LONRF2: variants seen among roughly 807,000 people sequenced by gnomAD.
LONRF2 encodes LON peptidase N-terminal domain and ring finger 2, also known as LON peptidase N-terminal domain and RING finger protein 2.
In LONRF2, 35 loss-of-function variants were observed where a neutral mutation model predicts 66.6. That is an observed-to-expected ratio of 0.53 (90% CI 0.40 to 0.70). The LOEUF is 0.70. Ranked by LOEUF, LONRF2 falls within the 30% of genes least tolerant of loss-of-function variation. The probability of loss-of-function intolerance (pLI) is 0.00; values close to 1 mark genes in which losing one functional copy is unlikely to be tolerated. For synonymous variants in LONRF2, 417 were observed against 418.1 expected, an observed-to-expected ratio of 1.00 and a Z score of 0.03; for missense variants, 902 against 1,002.1, an observed-to-expected ratio of 0.90 and a Z score of 1.35.
chr2:100,304,790 A>T (rs1287910898), intron 2 of LONRF2, among the ~76,000 whole-genome samples: 4 of 113,186 alleles, frequency 3.5e-5, no homozygotes, highest in Non-Finnish European at 5.1e-5. Context: ...TGCCTGGCTA[A>T]TTTTTTTTTT....
At position 100,284,055 on chromosome 2, in the gene LONRF2, G is replaced by A. The variant is rs1674794220; in HGVS notation, c.*243C>T. The A allele has an allele frequency of 1.2e-5, 5 of 400,926 alleles. No individual in the cohort carries two copies. Among genetic ancestry groups the A allele is most frequent in the Non-Finnish European group, 2.2e-5 (5 of 223,566 alleles). 24.8% of individuals were successfully genotyped at this position (400,926 alleles called of 1,614,324 possible). ...ATTCCCCAAGCACCTGCTTCTAAGA[G>A]ATTTTCTTAGGTTGTTTTCCAACTA... On this transcript the variant is annotated 3_prime_UTR_variant, in exon 12 of 12. Transcript: ENST00000393437.
chr2:100,316,335 A>AAT (rs70943014), intron 1 of LONRF2, among the ~76,000 whole-genome samples: 1 of 113,386 alleles, frequency 8.8e-6, no homozygotes, highest in African/African-American at 4.3e-5. Context: ...AAAAAAAAAA[A>AAT]AAAGAAAGAA....
At chr2:100,294,117 G>A (rs1367914355) in intron 9 of LONRF2, 112 bp downstream of exon 9, 78 of 1,270,052 alleles carry the variant, frequency 6.1e-5, no homozygotes, top group Non-Finnish European at 8.2e-5. Context: ...ACTTTGTTAC[G>A]TAACGGGAGC....
Position 100,275,695 on chromosome 2 carries a change from C to T in LONRF2, c.*8603G>A, listed in dbSNP as rs1238112897. The T allele has an allele frequency of 6.6e-6, 1 of 152,142 alleles. No individual in the cohort carries two copies. The highest frequency in any genetic ancestry group is 2.4e-5 in the African/African-American group (1 of 41,418). 9.4% of individuals were successfully genotyped at this position (152,142 alleles called of 1,614,324 possible). ...AGGGGTGGGACACTTTGTTCCCACTCCCCTGAGACCTGCAGAAGCCCCTGA... is the reference window on the plus strand; with the variant it reads ...AGGGGTGGGACACTTTGTTCCCACTTCCCTGAGACCTGCAGAAGCCCCTGA... On this transcript the variant is annotated 3_prime_UTR_variant, in exon 12 of 12. Coordinates refer to ENST00000393437, the MANE Select transcript of LONRF2 (RefSeq NM_198461.4).
intron 3 of LONRF2, 142 bp from the exon 4 acceptor site, chr2:100,300,929 T>G (rs1038467042): frequency 1.2e-4 from 78 of 651,384 alleles, no homozygotes; most frequent in Admixed American, 1.9e-4. Context: ...GCCAACCTTT[T>G]AAAATCCAAA....
rs145900556 is a variant in LONRF2, at chr2:100,298,129, G to A, written c.1476+707C>T. Among the ~76,000 whole-genome samples the A allele has an allele frequency of 6.5e-3, 992 of 152,240 alleles. 10 individuals carry two copies. The highest frequency in any genetic ancestry group is 0.022 in the African/African-American group (932 of 41,550). ...ACCCCCTTAAGATGTTATATGACTT[G>A]CTCCATAGAAAGTTCATGGCACTAA... On this transcript the variant is annotated intron_variant, in intron 7 of 11. Coordinates refer to ENST00000393437, the MANE Select transcript of LONRF2 (RefSeq NM_198461.4).
chr2:100,300,994 C>T (rs1675175101), intron 3 of LONRF2, among the ~76,000 whole-genome samples: 1 of 152,076 alleles, frequency 6.6e-6, no homozygotes, highest in African/African-American at 2.4e-5. Context: ...AATCCCTTTC[C>T]ATCTTACACT....
chr2:100,308,107 C>T (rs1317036290), intron 2 of LONRF2, among the ~76,000 whole-genome samples: 6 of 152,066 alleles, frequency 3.9e-5, no homozygotes, highest in South Asian at 2.1e-4. Context: ...TGGTGGCTCA[C>T]GCCTGTAATC....
intron 10 of LONRF2, among the ~76,000 whole-genome samples, chr2:100,287,909 G>C (rs566967244): frequency 6.6e-6 from 1 of 152,232 alleles, no homozygotes; most frequent in Admixed American, 6.5e-5. Context: ...GTCCTTTCCT[G>C]TTACAAAATT....
At chr2:100,319,120 T>A (rs1469806471) in intron 1 of LONRF2, among the ~76,000 whole-genome samples, 2 of 140,434 alleles carry the variant, frequency 1.4e-5, no homozygotes, top group Admixed American at 7.1e-5. Flanking sequence ...GACTCCGTCT[T>A]AAAAAAAAAA....
Position 100,304,842 on chromosome 2 carries a change from A to G in LONRF2, c.799-1799T>C, listed in dbSNP as rs1051009151. Among the ~76,000 whole-genome samples the G allele has an allele frequency of 8.3e-4, 114 of 137,568 alleles. 1 individual carries two copies. The highest frequency in any genetic ancestry group is 2.1e-4 in the Non-Finnish European group (14 of 65,630). 90.2% of individuals were successfully genotyped at this position (137,568 alleles called of 152,430 possible). A position where few individuals can be genotyped will look rare whatever the true frequency, so the allele number is the denominator to read the frequency against. On this transcript the variant is annotated intron_variant, in intron 2 of 11. Coordinates refer to ENST00000393437, the MANE Select transcript of LONRF2 (RefSeq NM_198461.4). ...GAGATGGGGTTTCACCATATTGGCC[A>G]GGCTAGTCTCAAACTCCTGACCTTG...
chr2:100,321,513 T>A lies in LONRF2; in HGVS notation c.581A>T (p.Glu194Val). 6.5e-7 allele frequency: 1 copy of A among 1,549,888 alleles called. No homozygotes were observed. The highest frequency in any genetic ancestry group is 8.6e-7 in the Non-Finnish European group (1 of 1,160,176). The stretch of plus-strand genomic sequence containing the variant: ...GCCTGCCAGCCTGCGCAGCCGGCAC[T>A]CGGCCGGGAAGCACTTCTCCAGCAG... ...SGLLEKCFPA[E>V]CRLRRLAGQA... is the part of the protein sequence containing the mutation. Residue 194 changes from glutamate (E) to valine (V), a missense_variant, in exon 1 of 12, where the codon GAG becomes GTG. Transcript: ENST00000393437.
At position 100,275,826 on chromosome 2, in the gene LONRF2, T is replaced by A. The variant is rs76221129; in HGVS notation, c.*8472A>T. ...TCCTTCCAACTAAATTGCCACAAAA[T>A]CAGAAAAAAAGGAAAAAGCGAGAAA... On this transcript the variant is annotated 3_prime_UTR_variant, in exon 12 of 12. Transcript: ENST00000393437. 2,317 of 149,788 alleles carry A rather than the reference T, an allele frequency of 0.015. 32 individuals are homozygous for A. The highest frequency in any genetic ancestry group is 0.059 in the South Asian group (282 of 4,750). 9.3% of individuals were successfully genotyped at this position (149,788 alleles called of 1,614,324 possible).
intron 8 of LONRF2, among the ~76,000 whole-genome samples, 180 bp downstream of exon 8, chr2:100,295,252 A>G (rs1447012626): frequency 6.6e-6 from 1 of 152,234 alleles, no homozygotes; most frequent in Non-Finnish European, 1.5e-5. Context: ...TTATAAAAAA[A>G]GAAAACAAAT....
At chr2:100,291,837 T>C (rs1674965735) in intron 9 of LONRF2, among the ~76,000 whole-genome samples, 1 of 152,116 alleles carries the variant, frequency 6.6e-6, no homozygotes, top group Non-Finnish European at 1.5e-5. Flanking sequence ...ACTCTGACTG[T>C]AACTATCACC....
chr2:100,305,332 T>G (rs1389973567), intron 2 of LONRF2, among the ~76,000 whole-genome samples: 1 of 152,234 alleles, frequency 6.6e-6, no homozygotes, highest in Non-Finnish European at 1.5e-5. Flanking sequence ...TTCTTATAAC[T>G]GTTTTCCCCT....
chr2:100,291,786 T>C (rs1674964772), intron 9 of LONRF2, among the ~76,000 whole-genome samples: 1 of 152,080 alleles, frequency 6.6e-6, no homozygotes, highest in African/African-American at 2.4e-5. Flanking sequence ...TTCTAGGCTA[T>C]GTCTATTCTC....
Position 100,299,151 on chromosome 2 carries a change from G to T in LONRF2, c.1361+75C>A. The T allele has an allele frequency of 2.8e-6, 3 of 1,088,622 alleles. 1 individual carries two copies. Among genetic ancestry groups the T allele is most frequent in the South Asian group, 3.1e-5 (2 of 63,760 alleles). 67.4% of individuals were successfully genotyped at this position (1,088,622 alleles called of 1,614,324 possible). On this transcript the variant is annotated intron_variant, in intron 6 of 11. Transcript: ENST00000393437. ...TCCCTAGTTTCCGTGATAATAAAAAGCCCATTACACTTTGGTATACATTTC... is the reference window on the plus strand; with the variant it reads ...TCCCTAGTTTCCGTGATAATAAAAATCCCATTACACTTTGGTATACATTTC...
intron 2 of LONRF2, among the ~76,000 whole-genome samples, chr2:100,303,626 T>A (rs538385359): frequency 5.1e-4 from 78 of 152,238 alleles, no homozygotes; most frequent in Non-Finnish European, 1.0e-3. Flanking sequence ...ACTTGAAATA[T>A]GTTGTTCCAA....
Sources: gnomAD v4.1 joint callset for allele counts (sites outside exome capture counted in the v4.1 genomes callset) on GRCh38, gnomAD v4.1.1 for gene constraint, MANE v1.5 for transcripts, NCBI Gene and HGNC (gene_info 2026-07-23, HGNC 2026-07-21) for gene names.